KDM4C: variants seen among roughly 807,000 people sequenced by gnomAD.
The protein encoded by KDM4C is lysine-specific demethylase 4C.
A neutral mutation model predicts 129.3 loss-of-function variants in KDM4C; 81 were observed. The ratio of observed to expected loss-of-function variants is 0.63; its 90% confidence interval spans 0.52 to 0.75. The LOEUF (loss-of-function observed/expected upper bound fraction) is 0.75. Ranked by LOEUF, KDM4C falls within the 30% of genes least tolerant of loss-of-function variation. The pLI, the probability that KDM4C is intolerant of heterozygous loss-of-function variation, is 0.00. For missense variants in KDM4C, 1,457 were observed against 1,304.0 expected, an observed-to-expected ratio of 1.12 and a Z score of -1.81; for synonymous variants, 573 against 456.1, an observed-to-expected ratio of 1.26 and a Z score of -3.26.
At chr9:7,089,984 T>TC (rs1835607852) in intron 17 of KDM4C, among the ~76,000 whole-genome samples, 1 of 152,252 alleles carries the variant, frequency 6.6e-6, no homozygotes, top group African/African-American at 2.4e-5. Flanking sequence ...TGCCAGTGCA[T>TC]CTTCCCTGGG....
chr9:6,942,570 G>T (rs1383076432), intron 8 of KDM4C: 2 of 152,114 alleles, frequency 1.3e-5, no homozygotes, highest in African/African-American at 4.8e-5. Context: ...TACCAGGATG[G>T]CTTGAATGCA....
chr9:6,790,392 C>G (rs1826318844), intron 1 of KDM4C, among the ~76,000 whole-genome samples: 1 of 151,284 alleles, frequency 6.6e-6, no homozygotes, highest in South Asian at 2.1e-4. Context: ...CTACAGGTGC[C>G]TGCCACCACA....
intron 17 of KDM4C, among the ~76,000 whole-genome samples, chr9:7,097,267 A>G (rs572066164): frequency 2.6e-5 from 4 of 152,356 alleles, no homozygotes; most frequent in Non-Finnish European, 2.9e-5. Flanking sequence ...ATAAGCCTCC[A>G]GTGCAGAGTC....
At chr9:6,902,900 T>A (rs1037233118) in intron 8 of KDM4C, 1 of 152,152 alleles carries the variant, frequency 6.6e-6, no homozygotes, top group Non-Finnish European at 1.5e-5. Context: ...ACCAGATTGC[T>A]GAGAGAAGGA....
chr9:7,165,915 G>A (rs1417977783), intron 20 of KDM4C, among the ~76,000 whole-genome samples: 3 of 152,216 alleles, frequency 2.0e-5, no homozygotes, highest in Non-Finnish European at 4.4e-5. Flanking sequence ...TGGACGTTCT[G>A]TTCACCAGGG....
Position 6,805,733 on chromosome 9 carries a change from G to T in KDM4C, c.279G>T (p.Ala93=). 6.2e-7 allele frequency: 1 copy of T among 1,614,016 alleles called. No homozygotes were observed. Among genetic ancestry groups the T allele is most frequent in the Non-Finnish European group, 8.5e-7 (1 of 1,179,966 alleles). Residue 93 remains alanine (A), a synonymous_variant, in exon 3 of 22, where the codon GCG becomes GCT. Transcript: ENST00000381309. The stretch of plus-strand genomic sequence containing the variant: ...CTCAGTACAACATCCAGAAAAAAGC[G>T]ATGACTGTGAAGGAGTTCAGGCAGC... ...LFTQYNIQKK[A]MTVKEFRQLA... is the part of the protein sequence containing the mutation.
chr9:6,933,528 C>T (rs565320809), intron 8 of KDM4C, among the ~76,000 whole-genome samples: 1 of 152,256 alleles, frequency 6.6e-6, no homozygotes, highest in South Asian at 2.1e-4. Context: ...GAATCTGGCT[C>T]TGCAAAATTA....
intron 17 of KDM4C, among the ~76,000 whole-genome samples, chr9:7,056,202 A>G (rs1830840883): frequency 1.3e-5 from 2 of 152,232 alleles, no homozygotes; most frequent in African/African-American, 4.8e-5. Context: ...GTACTATACT[A>G]CAGATGACAC....
chr9:7,150,914 A>G (rs1460241753), intron 19 of KDM4C, among the ~76,000 whole-genome samples: 1 of 152,204 alleles, frequency 6.6e-6, no homozygotes, highest in Admixed American at 6.5e-5. Context: ...TAATGCTATA[A>G]TAACTTCCAG....
chr9:6,767,699 G>T (rs553243985), intron 1 of KDM4C, among the ~76,000 whole-genome samples: 95 of 152,080 alleles, frequency 6.2e-4, no homozygotes, highest in Admixed American at 1.8e-3. Flanking sequence ...GACCTCAGGT[G>T]ATGTCCGCTT....
chr9:6,778,166 T>A (rs987373531), intron 1 of KDM4C, among the ~76,000 whole-genome samples: 2 of 151,648 alleles, frequency 1.3e-5, no homozygotes, highest in Non-Finnish European at 2.9e-5. Flanking sequence ...CTCGTCTTAC[T>A]GCAACCTCTG....
chr9:7,148,000 T>G (rs1587869238), intron 19 of KDM4C, among the ~76,000 whole-genome samples: 1 of 152,184 alleles, frequency 6.6e-6, no homozygotes, highest in African/African-American at 2.4e-5. Flanking sequence ...CAAGCCAGGC[T>G]TGGAGCGGCG....
intron 8 of KDM4C, among the ~76,000 whole-genome samples, chr9:6,956,642 T>C (rs1829114039): frequency 6.6e-6 from 1 of 152,116 alleles, no homozygotes; most frequent in South Asian, 2.1e-4. Context: ...CTGACTTGAG[T>C]GGTTGTGACA....
At chr9:7,037,236 A>C (rs1827812887) in intron 15 of KDM4C, among the ~76,000 whole-genome samples, 1 of 152,172 alleles carries the variant, frequency 6.6e-6, no homozygotes, top group Admixed American at 6.5e-5. Context: ...TTGTGGGGGT[A>C]CTTCAATCTA....
At chr9:6,895,471 G>T (rs1274325347) in intron 8 of KDM4C, among the ~76,000 whole-genome samples, 1 of 152,124 alleles carries the variant, frequency 6.6e-6, no homozygotes, top group Non-Finnish European at 1.5e-5. Context: ...CAGGCAATCC[G>T]CAAAATCCCA....
intron 1 of KDM4C, among the ~76,000 whole-genome samples, chr9:6,731,023 T>G (rs1030519138): frequency 3.9e-5 from 6 of 152,224 alleles, no homozygotes; most frequent in African/African-American, 1.4e-4. Flanking sequence ...CTTAGTTCGC[T>G]TTAACAATCA....
At chr9:6,874,214 A>G (rs1437140348) in intron 5 of KDM4C, among the ~76,000 whole-genome samples, 1 of 152,234 alleles carries the variant, frequency 6.6e-6, no homozygotes, top group Non-Finnish European at 1.5e-5. Context: ...CTTGGTTAGC[A>G]CTGCATTGCC....
upstream of KDM4C, among the ~76,000 whole-genome samples, chr9:6,753,098 C>G (rs1426343073): frequency 6.6e-6 from 1 of 152,202 alleles, no homozygotes; most frequent in Non-Finnish European, 1.5e-5. Context: ...TCCTCTCCTT[C>G]TACCCCAATG....
chr9:6,947,461 A>T (rs1827176141), intron 8 of KDM4C, among the ~76,000 whole-genome samples: 1 of 152,128 alleles, frequency 6.6e-6, no homozygotes, highest in South Asian at 2.1e-4. Context: ...AATCATAACT[A>T]CCAGTCTTCT....
Sources: allele counts gnomAD v4.1 joint callset (sites outside exome capture counted in the v4.1 genomes callset), GRCh38; gene constraint gnomAD v4.1.1; transcripts MANE v1.5; gene names NCBI Gene and HGNC (gene_info 2026-07-23, HGNC 2026-07-21).